Variants in SLC25A26 observed in about 807,000 individuals in gnomAD.
SLC25A26 encodes mitochondrial S-adenosylmethionine carrier protein.
Under a neutral mutation model 37.8 loss-of-function variants are expected in SLC25A26, and 36 were observed. The observed-to-expected ratio is 0.95, with a 90% CI of 0.73 to 1.26. The LOEUF (loss-of-function observed/expected upper bound fraction) is 1.26, where lower values mean the gene tolerates loss of function less well. Among genes scored for constraint, SLC25A26 ranks in the 50% most tolerant of loss-of-function variants. The pLI, the probability that SLC25A26 is intolerant of heterozygous loss-of-function variation, is 0.00. For missense variants in SLC25A26, 390 were observed against 331.1 expected, an observed-to-expected ratio of 1.18 and a Z score of -1.38; for synonymous variants, 129 against 122.5, an observed-to-expected ratio of 1.05 and a Z score of -0.35.
intron 5 of SLC25A26, among the ~76,000 whole-genome samples, chr3:66,298,254 A>G (rs953596330): frequency 6.6e-6 from 1 of 152,220 alleles, no homozygotes; most frequent in Non-Finnish European, 1.5e-5. Flanking sequence ...TACCAAAACC[A>G]TTTGATAGGT....
chr3:66,198,892 T>C lies in SLC25A26; in HGVS notation c.-353-21850T>C, dbSNP rs1006358407. ...TGACCCTGACCCATTCCCTGACTGA[T>C]CTTGACCTTGATCTGTATCTTGACC... On this transcript the variant is annotated intron_variant, in intron 1 of 10. Transcript: ENST00000676754. Among the ~76,000 whole-genome samples the C allele has an allele frequency of 2.2e-3, 330 of 151,852 alleles. 1 individual carries two copies. The highest frequency in any genetic ancestry group is 7.3e-3 in the African/African-American group (303 of 41,390).
chr3:66,176,664 T>C (rs896140700), intron 1 of SLC25A26, among the ~76,000 whole-genome samples: 1 of 152,210 alleles, frequency 6.6e-6, no homozygotes, highest in African/African-American at 2.4e-5. Context: ...ACTTGACTCA[T>C]GGTTTGAAAG....
intron 1 of SLC25A26, among the ~76,000 whole-genome samples, chr3:66,204,752 C>T (rs1044661111): frequency 6.6e-6 from 1 of 152,096 alleles, no homozygotes; most frequent in Admixed American, 6.6e-5. Flanking sequence ...AGCACTTTAC[C>T]GAGTACAATA....
rs116812033 is a variant in SLC25A26 at position 66,352,816 on chromosome 3, A to G, written c.498+6408A>G. On this transcript the variant is annotated intron_variant, in intron 6 of 9. Transcript: ENST00000354883. ...CCTCTCTCATGTCTCCTCTTTCCCC[A>G]TTACTCAGGCCTTAGATCACATGTC... 5.1e-3 allele frequency among the ~76,000 whole-genome samples: 776 copies of G among 151,308 alleles called. 12 individuals carry two copies. Among genetic ancestry groups the G allele is most frequent in the African/African-American group, 0.014 (571 of 41,172 alleles).
chr3:66,292,382 C>A (rs1023423550), intron 5 of SLC25A26, among the ~76,000 whole-genome samples: 2 of 152,128 alleles, frequency 1.3e-5, no homozygotes, highest in Non-Finnish European at 2.9e-5. Flanking sequence ...GATGCAGTTT[C>A]TTCGTAGTGT....
intron 7 of SLC25A26, among the ~76,000 whole-genome samples, chr3:66,363,451 G>A (rs2107810479): frequency 6.6e-6 from 1 of 152,274 alleles, no homozygotes; most frequent in African/African-American, 2.4e-5. Flanking sequence ...ACACATCTGG[G>A]CATTTTCGAG....
At chr3:66,277,127 AAG>A (rs1352570465) in intron 5 of SLC25A26, among the ~76,000 whole-genome samples, 1 of 152,076 alleles carries the variant, frequency 6.6e-6, no homozygotes, top group African/African-American at 2.4e-5. Context: ...GAAAAATTTA[AAG>A]ACACACAAAA....
At chr3:66,312,281 G>T (rs1264459634) in intron 5 of SLC25A26, among the ~76,000 whole-genome samples, 3 of 152,174 alleles carry the variant, frequency 2.0e-5, no homozygotes, top group Non-Finnish European at 4.4e-5. Context: ...TGTTTACACT[G>T]TGAGGGGAAA....
At chr3:66,209,818 T>G (rs2106833068) in intron 1 of SLC25A26, among the ~76,000 whole-genome samples, 1 of 125,298 alleles carries the variant, frequency 8.0e-6, no homozygotes, top group South Asian at 2.5e-4. Context: ...GGTGTATCTA[T>G]ACACACACAC....
intron 1 of SLC25A26, among the ~76,000 whole-genome samples, chr3:66,209,898 T>TTATATTTATATA (rs2071257057): frequency 1.6e-4 from 6 of 38,616 alleles, no homozygotes; most frequent in Admixed American, 4.4e-4. Flanking sequence ...CTCTCTCTAT[T>TTATATTTATATA]TATATATATA....
chr3:66,153,025 A>G (rs2070228488), intron 1 of SLC25A26, among the ~76,000 whole-genome samples: 1 of 152,180 alleles, frequency 6.6e-6, no homozygotes, highest in Non-Finnish European at 1.5e-5. Context: ...AGGGTTTCTA[A>G]TGTGTAGTTA....
chr3:66,204,927 G>A (rs1423400350), intron 1 of SLC25A26, among the ~76,000 whole-genome samples: 3 of 152,192 alleles, frequency 2.0e-5, no homozygotes, highest in African/African-American at 7.2e-5. Context: ...AGCAGGTAGG[G>A]AAGGGTATTG....
chr3:66,195,582 G>A (rs1049706782), intron 1 of SLC25A26, among the ~76,000 whole-genome samples: 2 of 152,340 alleles, frequency 1.3e-5, no homozygotes, highest in African/African-American at 4.8e-5. Context: ...GCAGGCCCTC[G>A]GGCTAGCGTC....
chr3:66,256,717 A>C (rs1020126621), intron 3 of SLC25A26, among the ~76,000 whole-genome samples: 1 of 152,094 alleles, frequency 6.6e-6, no homozygotes, highest in African/African-American at 2.4e-5. Flanking sequence ...GCAACATAGC[A>C]AGATCCTTTC....
intron 1 of SLC25A26, among the ~76,000 whole-genome samples, chr3:66,203,027 A>G (rs1470319217): frequency 2.6e-5 from 4 of 152,188 alleles, no homozygotes; most frequent in Non-Finnish European, 1.5e-5. Context: ...TATTAATATA[A>G]TTCGTAAAGA....
intron 1 of SLC25A26, among the ~76,000 whole-genome samples, chr3:66,158,850 C>T (rs988085202): frequency 2.6e-5 from 4 of 152,052 alleles, no homozygotes; most frequent in African/African-American, 9.7e-5. Flanking sequence ...TATAGTAAAG[C>T]CCAAGAAGTT....
intron 6 of SLC25A26, among the ~76,000 whole-genome samples, chr3:66,347,039 T>C (rs2076342579): frequency 6.6e-6 from 1 of 152,042 alleles, no homozygotes; most frequent in African/African-American, 2.4e-5. Context: ...CAACATGTTT[T>C]AACCATTAAG....
Position 66,262,122 on chromosome 3 carries a change from A to G in SLC25A26, c.372A>G (p.Thr124=). 2.5e-6 allele frequency: 4 copies of G among 1,575,016 alleles called. No homozygotes were observed. The highest frequency in any genetic ancestry group is 2.3e-5 in the East Asian group (1 of 43,860). Residue 124 remains threonine, a synonymous_variant, in exon 4 of 10, where the codon ACA becomes ACG. Transcript: ENST00000354883. ...CACAGGTATCTGCTTCTACAAGAAC[A>G]TTTCAGATTTTCTCTAACATCTTAT... is the stretch of plus-strand genomic sequence containing the variant. ...QRAQVSASTR[T]FQIFSNILYE...
intron 1 of SLC25A26, among the ~76,000 whole-genome samples, chr3:66,223,030 TTC>T (rs1553659198): frequency 2.0e-5 from 3 of 152,250 alleles, no homozygotes; most frequent in Non-Finnish European, 2.9e-5. Context: ...CTTCCATCTA[TTC>T]TGCCCACTGG....
Sources: gnomAD v4.1 joint callset for allele counts (sites outside exome capture counted in the v4.1 genomes callset) on GRCh38, gnomAD v4.1.1 for gene constraint, MANE v1.5 for transcripts, NCBI Gene and HGNC (gene_info 2026-07-23, HGNC 2026-07-21) for gene names.